Variants in CNTNAP2 observed in about 807,000 individuals in gnomAD.
The protein encoded by CNTNAP2 is contactin-associated protein-like 2.
In CNTNAP2, 98 loss-of-function variants were observed where a neutral mutation model predicts 155.2. That is an observed-to-expected ratio of 0.63 (90% CI 0.54 to 0.75). The LOEUF is 0.75. CNTNAP2 is among the 30% of genes least tolerant of loss of function. The pLI, the probability that CNTNAP2 is intolerant of heterozygous loss-of-function variation, is 0.00. For missense variants in CNTNAP2, 1,727 were observed against 1,688.1 expected, an observed-to-expected ratio of 1.02 and a Z score of -0.40; for synonymous variants, 651 against 631.2, an observed-to-expected ratio of 1.03 and a Z score of -0.47.
At chr7:147,079,065 A>G (rs1800057974) in intron 4 of CNTNAP2, among the ~76,000 whole-genome samples, 1 of 152,102 alleles carries the variant, frequency 6.6e-6, no homozygotes, top group African/African-American at 2.4e-5. Context: ...ATTTAATTTG[A>G]TGTCAAACCT....
At chr7:147,626,267 G>A (rs746061277) in intron 12 of CNTNAP2, among the ~76,000 whole-genome samples, 1 of 152,106 alleles carries the variant, frequency 6.6e-6, no homozygotes, top group South Asian at 2.1e-4. Flanking sequence ...TGCTTTTTTA[G>A]TGGGGAAGTC....
intron 21 of CNTNAP2, among the ~76,000 whole-genome samples, chr7:148,324,081 T>TG (rs1797847670): frequency 6.6e-6 from 1 of 151,972 alleles, no homozygotes; most frequent in African/African-American, 2.4e-5. Context: ...GACGGGGTTT[T>TG]GCCATGTTGG....
At chr7:146,661,398 C>T (rs943942501) in intron 1 of CNTNAP2, among the ~76,000 whole-genome samples, 3 of 151,924 alleles carry the variant, frequency 2.0e-5, no homozygotes, top group Non-Finnish European at 4.4e-5. Context: ...AACCACTGCC[C>T]CCAAAAGGAC....
chr7:147,814,005 C>A (rs931510365), intron 13 of CNTNAP2, among the ~76,000 whole-genome samples: 1 of 152,040 alleles, frequency 6.6e-6, no homozygotes, highest in Non-Finnish European at 1.5e-5. Context: ...CTAACATTTA[C>A]TGTTCGGCAC....
At chr7:146,373,782 A>G (rs1486304614) in intron 1 of CNTNAP2, among the ~76,000 whole-genome samples, 1 of 152,184 alleles carries the variant, frequency 6.6e-6, no homozygotes, top group Non-Finnish European at 1.5e-5. Flanking sequence ...GTACATACGG[A>G]AGATCCACAA....
chr7:146,652,061 G>A (rs1343875645), intron 1 of CNTNAP2, among the ~76,000 whole-genome samples: 6 of 151,946 alleles, frequency 3.9e-5, no homozygotes, highest in Non-Finnish European at 8.8e-5. Flanking sequence ...TAGAAATAAC[G>A]ATAAATTGAA....
chr7:146,858,827 ATAT>A (rs1481329564), intron 3 of CNTNAP2, among the ~76,000 whole-genome samples: 1 of 152,182 alleles, frequency 6.6e-6, no homozygotes. Context: ...TTATTATTTA[ATAT>A]TCTTCTCCTT....
At chr7:147,432,240 G>A (rs1797478052) in intron 10 of CNTNAP2, among the ~76,000 whole-genome samples, 1 of 151,970 alleles carries the variant, frequency 6.6e-6, no homozygotes, top group Admixed American at 6.6e-5. Context: ...GAGCATTCCT[G>A]GCCTATACCC....
At chr7:148,385,684 CAA>C (rs1799175234) in intron 22 of CNTNAP2, among the ~76,000 whole-genome samples, 1 of 150,714 alleles carries the variant, frequency 6.6e-6, no homozygotes, top group South Asian at 2.1e-4. Flanking sequence ...CTGTAGGGAC[CAA>C]AGAGTTTTTG....
chr7:148,305,935 C>T (rs1797483255), intron 21 of CNTNAP2, among the ~76,000 whole-genome samples: 2 of 152,188 alleles, frequency 1.3e-5, no homozygotes, highest in Admixed American at 6.5e-5. Flanking sequence ...TCCTACCCGG[C>T]TTCCATGACT....
At chr7:148,282,878 T>C (rs1279295543) in intron 21 of CNTNAP2, among the ~76,000 whole-genome samples, 1 of 152,168 alleles carries the variant, frequency 6.6e-6, no homozygotes, top group Non-Finnish European at 1.5e-5. Context: ...TCAACTCACC[T>C]GTCTTTGACA....
chr7:146,249,742 C>T (rs1392561446), intron 1 of CNTNAP2, among the ~76,000 whole-genome samples: 1 of 152,046 alleles, frequency 6.6e-6, no homozygotes, highest in Non-Finnish European at 1.5e-5. Flanking sequence ...GCTGTCATCA[C>T]TGAACAAGTT....
chr7:147,826,444 CTCAA>C (rs1279947521), intron 13 of CNTNAP2, among the ~76,000 whole-genome samples: 1 of 152,098 alleles, frequency 6.6e-6, no homozygotes, highest in Admixed American at 6.6e-5. Context: ...TGGCTTATGT[CTCAA>C]TCAATCAATT....
chr7:148,403,275 T>C (rs1293610181), intron 22 of CNTNAP2, among the ~76,000 whole-genome samples: 4 of 151,696 alleles, frequency 2.6e-5, no homozygotes, highest in Admixed American at 2.0e-4. Context: ...AAACATGGTC[T>C]ACAAATATAG....
At chr7:148,266,259 A>G (rs1435761180) in intron 20 of CNTNAP2, among the ~76,000 whole-genome samples, 1 of 152,204 alleles carries the variant, frequency 6.6e-6, no homozygotes, top group African/African-American at 2.4e-5. Flanking sequence ...GGGCCCAAAA[A>G]AGGCCCAGAA....
intron 9 of CNTNAP2, among the ~76,000 whole-genome samples, chr7:147,365,906 T>G (rs1584902419): frequency 6.6e-6 from 1 of 152,328 alleles, no homozygotes; most frequent in African/African-American, 2.4e-5. Flanking sequence ...TTCCTAGTTC[T>G]TGAATTATTT....
chr7:148,046,334 A>T (rs73168568), intron 15 of CNTNAP2, among the ~76,000 whole-genome samples: 35,062 of 152,072 alleles, frequency 0.23, 4,407 homozygotes, highest in Middle Eastern at 0.35. Context: ...GTGTGTGTGT[A>T]TGAGTGTGTG....
intron 4 of CNTNAP2, among the ~76,000 whole-genome samples, chr7:147,065,592 A>T (rs1338826076): frequency 1.3e-5 from 2 of 152,204 alleles, no homozygotes; most frequent in African/African-American, 4.8e-5. Context: ...TTGTGTGGAT[A>T]AAGTTTTCCT....
intron 3 of CNTNAP2, among the ~76,000 whole-genome samples, chr7:147,019,434 TAAAC>T (rs1256562424): frequency 6.6e-6 from 1 of 151,822 alleles, no homozygotes; most frequent in Non-Finnish European, 1.5e-5. Flanking sequence ...AAAGCAAAAA[TAAAC>T]AAACACAAAG....
Sources: allele counts gnomAD v4.1 joint callset (sites outside exome capture counted in the v4.1 genomes callset), GRCh38; gene constraint gnomAD v4.1.1; transcripts MANE v1.5; gene names NCBI Gene and HGNC (gene_info 2026-07-23, HGNC 2026-07-21).